TBXAS1: variants seen among roughly 807,000 people sequenced by gnomAD.
TBXAS1 encodes the protein thromboxane-A synthase.
TBXAS1 carries 48 observed loss-of-function variants against 60.7 expected under a neutral mutation model. The ratio of observed to expected loss-of-function variants is 0.79; its 90% CI spans 0.63 to 1.01. TBXAS1 has a LOEUF of 1.01. Among genes scored for constraint, TBXAS1 ranks in the 50% least tolerant of loss-of-function variants. TBXAS1 has a pLI of 0.00. For synonymous variants in TBXAS1, 287 were observed against 269.7 expected, an observed-to-expected ratio of 1.06 and a Z score of -0.63; for missense variants, 685 against 686.3, an observed-to-expected ratio of 1.00 and a Z score of 0.02.
intron 7 of TBXAS1, among the ~76,000 whole-genome samples, chr7:139,956,460 T>A (rs971761041): frequency 1.3e-5 from 2 of 152,238 alleles, no homozygotes; most frequent in African/African-American, 4.8e-5. Context: ...TTTATTTTTA[T>A]TGTAGAAGTG....
chr7:139,895,826 C>A (rs1804045989), intron 3 of TBXAS1, among the ~76,000 whole-genome samples: 1 of 152,224 alleles, frequency 6.6e-6, no homozygotes, highest in Non-Finnish European at 1.5e-5. Context: ...TGGGGCCAGC[C>A]ACAAAGGCAG....
intron 1 of TBXAS1, among the ~76,000 whole-genome samples, chr7:139,857,056 T>C (rs979691281): frequency 1.1e-4 from 16 of 152,194 alleles, no homozygotes; most frequent in African/African-American, 3.9e-4. Flanking sequence ...TCAAGTTTAC[T>C]CTGGGGACCC....
intron 3 of TBXAS1, among the ~76,000 whole-genome samples, chr7:139,893,774 A>C (rs974031604): frequency 1.3e-5 from 2 of 152,136 alleles, no homozygotes; most frequent in Non-Finnish European, 2.9e-5. Flanking sequence ...TCACACTGGC[A>C]GATTGGTTTG....
At chr7:139,950,684 C>T (rs1282666742) in intron 5 of TBXAS1, among the ~76,000 whole-genome samples, 4 of 148,186 alleles carry the variant, frequency 2.7e-5, no homozygotes, top group Admixed American at 1.3e-4. Flanking sequence ...TACGGGACCC[C>T]CTCGCCCTCC....
chr7:139,843,320 CTTTATTTATTTATTTATTTA>C lies in TBXAS1; in HGVS notation c.89+13862_89+13881del, dbSNP rs3070196. Among the ~76,000 whole-genome samples the C allele has an allele frequency of 2.7e-5, 4 of 147,892 alleles. No individual in the cohort carries two copies. In the East Asian group the frequency reaches 6.0e-4, roughly 22 times the overall value. On this transcript the variant is annotated intron_variant, in intron 1 of 12. Transcript: ENST00000448866. The stretch of plus-strand genomic sequence containing the variant: ...GGCTATCTCGGCACTTACTACTTTA[CTTTATTTATTTATTTATTTA>C]TTTATTTATTTATTTATTTAGAGAT...
intron 4 of TBXAS1, among the ~76,000 whole-genome samples, chr7:139,932,947 C>T (rs917032262): frequency 6.6e-6 from 1 of 152,184 alleles, no homozygotes; most frequent in Non-Finnish European, 1.5e-5. Context: ...GTCCCAGCTA[C>T]TCAGGAGACT....
At chr7:140,006,419 A>C (rs939547997) in intron 9 of TBXAS1, among the ~76,000 whole-genome samples, 2 of 152,184 alleles carry the variant, frequency 1.3e-5, no homozygotes, top group African/African-American at 4.8e-5. Context: ...AAATCTAATC[A>C]GCATTTTCCA....
At chr7:139,879,923 G>A (rs182252866) in intron 3 of TBXAS1, among the ~76,000 whole-genome samples, 12 of 150,650 alleles carry the variant, frequency 8.0e-5, no homozygotes, top group African/African-American at 2.9e-4. Context: ...GCTCTGTCAT[G>A]CAGGCTGGAG....
chr7:139,935,266 T>C (rs979577970), intron 4 of TBXAS1, among the ~76,000 whole-genome samples: 2 of 152,254 alleles, frequency 1.3e-5, no homozygotes, highest in Non-Finnish European at 2.9e-5. Context: ...ATATAACCTA[T>C]GTACATCCTT....
In TBXAS1 at chr7:139,891,813, C is replaced by T. The variant is rs371331089; in HGVS notation, c.236+16176C>T. On this transcript the variant is annotated intron_variant, in intron 3 of 12. Transcript: ENST00000448866. ...GATTTGTCTCCAAGGAAACTTCAAA[C>T]AGGAAGGTCTTGCTATTTGGCTAAT... Among the ~76,000 whole-genome samples the T allele has an allele frequency of 2.0e-5, 3 of 152,272 alleles. No individual in the cohort carries two copies. The East Asian group carries it at 5.8e-4, about 29-fold the overall frequency.
chr7:139,896,241 T>C lies in TBXAS1; in HGVS notation c.237-14984T>C, dbSNP rs1804079910. Among the ~76,000 whole-genome samples the C allele has an allele frequency of 6.6e-6, 1 of 151,878 alleles. No individual in the cohort carries two copies. The highest frequency in any genetic ancestry group is 2.1e-4 in the South Asian group (1 of 4,796). Reference sequence around the variant, plus strand: ...ATAAACAGAGGGTGATGCAGGTCAGTAGAGGAAAGGACCAGGTGCCACAGA... The same window carrying C: ...ATAAACAGAGGGTGATGCAGGTCAGCAGAGGAAAGGACCAGGTGCCACAGA... On this transcript the variant is annotated intron_variant, in intron 3 of 12. Transcript: ENST00000448866. This position sits in a 1 kb window ranked among gnomAD's most constrained non-coding sequence, Gnocchi z 4.0.
At chr7:139,950,294 C>T (rs543727801) in intron 5 of TBXAS1, among the ~76,000 whole-genome samples, 13 of 151,994 alleles carry the variant, frequency 8.6e-5, no homozygotes, top group Admixed American at 7.9e-4. Flanking sequence ...CCTTGGCCTC[C>T]GAAAGTGCTG....
intron 4 of TBXAS1, among the ~76,000 whole-genome samples, chr7:139,806,530 T>C (rs908810543): frequency 6.6e-6 from 1 of 152,138 alleles, no homozygotes; most frequent in Admixed American, 6.5e-5. Flanking sequence ...CCCAAAGTGC[T>C]GGGATTGCAG....
chr7:139,815,692 T>C (rs1447025451), intron 4 of TBXAS1, among the ~76,000 whole-genome samples: 2 of 152,154 alleles, frequency 1.3e-5, no homozygotes, highest in Non-Finnish European at 2.9e-5. Flanking sequence ...AAGGCAGACA[T>C]TGACTCCAAA....
chr7:139,952,652 C>T (rs1472707782), intron 5 of TBXAS1: 1 of 1,536,948 alleles, frequency 6.5e-7, no homozygotes, highest in African/African-American at 1.4e-5. Flanking sequence ...CGAGTGGTAT[C>T]TATGTGAATC....
At chr7:139,984,710 GAGGAAGGAAGGA>G (rs368418550) in intron 9 of TBXAS1, among the ~76,000 whole-genome samples, 1 of 133,254 alleles carries the variant, frequency 7.5e-6, no homozygotes, top group Non-Finnish European at 1.6e-5. Context: ...GAAAAAGAAA[GAGGAAGGAAGGA>G]AAAGAAAGAA....
intron 8 of TBXAS1, among the ~76,000 whole-genome samples, chr7:139,959,839 G>A (rs1319507831): frequency 2.0e-5 from 3 of 152,148 alleles, no homozygotes; most frequent in Non-Finnish European, 4.4e-5. Context: ...GTGCTCTGGG[G>A]TCCTGTGCTG....
intron 1 of TBXAS1, among the ~76,000 whole-genome samples, chr7:139,863,279 G>A (rs1299459943): frequency 6.6e-6 from 1 of 152,140 alleles, no homozygotes; most frequent in East Asian, 1.9e-4. Flanking sequence ...GCTAATGACT[G>A]CAATGACTAT....
intron 1 of TBXAS1, among the ~76,000 whole-genome samples, chr7:139,859,005 A>T (rs1800776507): frequency 6.6e-6 from 1 of 151,900 alleles, no homozygotes; most frequent in South Asian, 2.1e-4. Flanking sequence ...AGTAGCTGGG[A>T]TTACAGGCAT....
Sources: allele counts gnomAD v4.1 joint callset (sites outside exome capture counted in the v4.1 genomes callset), GRCh38; gene constraint gnomAD v4.1.1; non-coding constraint Gnocchi (gnomAD v3.1); transcripts MANE v1.5; gene names NCBI Gene and HGNC (gene_info 2026-07-23, HGNC 2026-07-21).